ZNF286A: variants seen among roughly 807,000 people sequenced by gnomAD.
ZNF286A encodes zinc finger protein ZNF286.
ZNF286A carries 34 observed loss-of-function variants against 49.3 expected under a neutral mutation model. The ratio of observed to expected loss-of-function variants is 0.69; its 90% CI spans 0.52 to 0.92. The LOEUF is 0.92. ZNF286A is among the 40% of genes least tolerant of loss of function. ZNF286A has a pLI of 0.00. For synonymous variants in ZNF286A, 155 were observed against 200.4 expected (o/e 0.77, Z 1.91); for missense variants, 462 against 600.2 (o/e 0.77, Z 2.41).
chr17:15,705,475 C>T (rs1261870635), intron 3 of ZNF286A, among the ~76,000 whole-genome samples: 1 of 152,122 alleles, frequency 6.6e-6, no homozygotes, highest in Non-Finnish European at 1.5e-5. Context: ...AAAATTTCCT[C>T]TGAGTACAGT....
At position 15,702,384 on chromosome 17, in the gene ZNF286A, G is replaced by A. The variant is rs184973264; in HGVS notation, c.126+1144G>A. Among the ~76,000 whole-genome samples the A allele has an allele frequency of 2.9e-3, 434 of 151,618 alleles. 3 individuals are homozygous for A. The highest frequency in any genetic ancestry group is 9.8e-3 in the African/African-American group (404 of 41,318). On this transcript the variant is annotated intron_variant, in intron 3 of 5. Transcript: ENST00000583566. ...ACAAAAATTAGCTGGGCTTGGTGGT[G>A]CGCACTTGTAATCCCAGCTACTCCG...
In ZNF286A at chr17:15,717,092, T is replaced by G; in HGVS notation, c.1368T>G (p.His456Gln). 1 of 1,614,076 alleles carries G rather than the reference T, an allele frequency of 6.2e-7. No homozygotes were observed. Among genetic ancestry groups the G allele is most frequent in the Non-Finnish European group, 8.5e-7 (1 of 1,180,026 alleles). Reference protein sequence around the residue: ...TFSRSSNFAKHQRIHIGKKPY... With the variant: ...TFSRSSNFAKQQRIHIGKKPY... Reference sequence around the variant, plus strand: ...GCCGGAGCTCCAATTTTGCTAAACATCAAAGAATTCATATTGGAAAGAAAC... The same window carrying G: ...GCCGGAGCTCCAATTTTGCTAAACAGCAAAGAATTCATATTGGAAAGAAAC... The change falls in exon 6 of 6, where the codon CAT (histidine) becomes CAG (glutamine). Residue 456 changes from histidine to glutamine, a missense_variant. Physicochemically the swap from His to Gln is conservative, Grantham distance 24 (BLOSUM62 0). This residue lies in a region of ZNF286A where 201 missense variants were observed against 311.3 expected (regional missense o/e 0.65). Transcript: ENST00000583566.
At chr17:15,705,268 C>T (rs1990143796) in intron 3 of ZNF286A, among the ~76,000 whole-genome samples, 1 of 152,112 alleles carries the variant, frequency 6.6e-6, no homozygotes, top group African/African-American at 2.4e-5. Context: ...AAAATCAGGA[C>T]ATTCACATTG....
At position 15,716,781 on chromosome 17, in the gene ZNF286A, C is replaced by G; in HGVS notation, c.1057C>G (p.Pro353Ala). 3.1e-6 allele frequency: 5 copies of G among 1,613,916 alleles called. No individual in the cohort carries two copies. The highest frequency in any genetic ancestry group is 4.2e-6 in the Non-Finnish European group (5 of 1,179,854). Residue 353 changes from proline (P) to alanine (A), a missense_variant, in exon 6 of 6, where the codon CCT becomes GCT. Pro to Ala is a conservative substitution (Grantham distance 27). Transcript: ENST00000583566. ...QHQLIHTGVK[P>A]YECNECDKAF... ...TCAGTTGATTCATACTGGAGTGAAGCCTTATGAATGTAATGAATGTGATAA... is the reference window on the plus strand; with the variant it reads ...TCAGTTGATTCATACTGGAGTGAAGGCTTATGAATGTAATGAATGTGATAA...
chr17:15,701,286 A>C, intron 3 of ZNF286A, 46 bp downstream of exon 3: 2 of 1,574,354 alleles, frequency 1.3e-6, no homozygotes, highest in Non-Finnish European at 1.7e-6. Context: ...TTCTTAGAGT[A>C]CAGATGCACT....
At position 15,703,760 on chromosome 17, in the gene ZNF286A, A is replaced by C. The variant is rs530551768; in HGVS notation, c.126+2520A>C. 1.1e-4 allele frequency among the ~76,000 whole-genome samples: 16 copies of C among 152,262 alleles called. No homozygotes were observed. The South Asian group carries it at 2.9e-3, about 28-fold the overall frequency. ...TTTTATAAGGGAAATTTGCTCATTC[A>C]CATATAATACATGTGTTTCAAACTT... On this transcript the variant is annotated intron_variant, in intron 3 of 5. Coordinates refer to ENST00000583566, the MANE Select transcript of ZNF286A (RefSeq NM_001130842.2).
At chr17:15,704,924 T>TA in intron 3 of ZNF286A, 1 of 1,562,592 alleles carries the variant, frequency 6.4e-7, no homozygotes, top group Non-Finnish European at 8.7e-7. Context: ...CGGGGGCGGG[T>TA]CCCCCCGGCC....
At chr17:15,702,219 T>A (rs1989831585) in intron 3 of ZNF286A, among the ~76,000 whole-genome samples, 1 of 151,946 alleles carries the variant, frequency 6.6e-6, no homozygotes, top group African/African-American at 2.4e-5. Context: ...GAAACTTTTA[T>A]TAAAAGAAGT....
intron 4 of ZNF286A, among the ~76,000 whole-genome samples, 189 bp from the exon 5 acceptor site, chr17:15,707,966 T>C (rs1025746900): frequency 2.0e-5 from 3 of 152,070 alleles, no homozygotes; most frequent in African/African-American, 7.2e-5. Context: ...GCCTGGGCAA[T>C]ATAGTGAGAT....
intron 4 of ZNF286A, among the ~76,000 whole-genome samples, chr17:15,707,042 G>C (rs1385730628): frequency 6.6e-6 from 1 of 152,128 alleles, no homozygotes; most frequent in Non-Finnish European, 1.5e-5. Context: ...TAGATCCTGG[G>C]CTTACTAGCA....
intron 4 of ZNF286A, 128 bp from the exon 5 acceptor site, chr17:15,708,023 TAAAA>T (rs531083403): frequency 2.0e-5 from 10 of 501,116 alleles, no homozygotes; most frequent in Non-Finnish European, 2.9e-5. Context: ...TTTTATAAAT[TAAAA>T]AAAAAGAAAG....
At chr17:15,715,855 T>A (rs1967018383) in intron 5 of ZNF286A, 1 of 1,354,472 alleles carries the variant, frequency 7.4e-7, no homozygotes, top group South Asian at 1.5e-5. Flanking sequence ...CCGACTCTCC[T>A]GGATAGGATG....
chr17:15,708,078 G>A, intron 4 of ZNF286A, 77 bp from the exon 5 acceptor site: 1 of 1,022,858 alleles, frequency 9.8e-7, no homozygotes, highest in East Asian at 3.0e-5. Flanking sequence ...AATTCAACTG[G>A]CTTGAAGAAA....
At chr17:15,710,535 G>C (rs1990572501) in intron 5 of ZNF286A, among the ~76,000 whole-genome samples, 1 of 152,056 alleles carries the variant, frequency 6.6e-6, no homozygotes, top group Admixed American at 6.5e-5. Flanking sequence ...AGCATACTTA[G>C]TTCTATTTCT....
Position 15,717,227 on chromosome 17 carries a change from A to C in ZNF286A, c.1503A>C (p.Lys501Asn), listed in dbSNP as rs374190379. ...EKPFRCNECGKSFKCSSSLIR... is the reference protein window; with the variant it reads ...EKPFRCNECGNSFKCSSSLIR... ...CCTTTAGATGTAATGAGTGTGGGAA[A>C]AGCTTTAAGTGCAGTTCATCTCTCA... Residue 501 changes from lysine to asparagine, a missense_variant, in exon 6 of 6, where the codon AAA (lysine) becomes AAC (asparagine). This residue lies in a region of ZNF286A where 201 missense variants were observed against 311.3 expected (regional missense o/e 0.65). Transcript: ENST00000583566. The C allele has an allele frequency of 1.6e-5, 25 of 1,608,648 alleles. No homozygotes were observed. In the African/African-American group the frequency reaches 2.6e-4, roughly 16 times the overall value.
Position 15,713,414 on chromosome 17 carries a change from A to G in ZNF286A, c.335-2645A>G, listed in dbSNP as rs151077558. On this transcript the variant is annotated intron_variant, in intron 5 of 5. Coordinates refer to ENST00000583566, the MANE Select transcript of ZNF286A (RefSeq NM_001130842.2). ...GCTATATTCTTACAACTGCTTCTGA[A>G]TGCAACTTGATATGACATGTTGTTT... 5.7e-3 allele frequency among the ~76,000 whole-genome samples: 871 copies of G among 152,348 alleles called. 7 individuals carry two copies. The highest frequency in any genetic ancestry group is 0.02 in the African/African-American group (828 of 41,588).
intron 5 of ZNF286A, 100 bp downstream of exon 5, chr17:15,708,347 T>A (rs1990396408): frequency 2.4e-6 from 2 of 833,612 alleles, no homozygotes; most frequent in East Asian, 3.2e-5. Flanking sequence ...CCCTTATTTT[T>A]AAATTTTTTT....
intron 5 of ZNF286A, chr17:15,710,079 T>TA (rs1274766222): frequency 1.8e-6 from 1 of 552,810 alleles, no homozygotes; most frequent in African/African-American, 1.9e-5. Context: ...TCTTGTGAGT[T>TA]ACCTGTTGAT....
chr17:15,711,807 G>A (rs9900224), intron 5 of ZNF286A, among the ~76,000 whole-genome samples: 3,233 of 148,682 alleles, frequency 0.022, 113 homozygotes, highest in African/African-American at 0.077. Flanking sequence ...TGTTCAGTAC[G>A]CTTCCAGTTT....
Sources: allele counts gnomAD v4.1 joint callset (sites outside exome capture counted in the v4.1 genomes callset), GRCh38; gene constraint gnomAD v4.1.1; regional missense constraint gnomAD v4.1.1; transcripts MANE v1.5; gene names NCBI Gene and HGNC (gene_info 2026-07-23, HGNC 2026-07-21).